The following METAP2 variants were observed in gnomAD, a reference collection of about 807,000 sequenced individuals.
The protein encoded by METAP2 is methionyl aminopeptidase 2, also known as methionine aminopeptidase 2.
Under a neutral mutation model 59.4 loss-of-function variants are expected in METAP2, and 25 were observed. The observed-to-expected ratio is 0.42, with a 90% CI of 0.31 to 0.59. The LOEUF (loss-of-function observed/expected upper bound fraction) is 0.59. Ranked by LOEUF, METAP2 falls within the 20% of genes least tolerant of loss-of-function variation. The probability of loss-of-function intolerance (pLI) is 0.16; values close to 1 mark genes in which losing one functional copy is unlikely to be tolerated. For missense variants in METAP2, 366 were observed against 581.2 expected, an observed-to-expected ratio of 0.63 and a Z score of 3.81; for synonymous variants, 214 against 194.1, an observed-to-expected ratio of 1.10 and a Z score of -0.85.
chr12:95,512,420 T>C (rs569047234), intron 9 of METAP2, among the ~76,000 whole-genome samples: 1 of 152,002 alleles, frequency 6.6e-6, no homozygotes, highest in African/African-American at 2.4e-5. Context: ...GAGATGGTAA[T>C]TGTAGGCCAG....
intron 8 of METAP2, among the ~76,000 whole-genome samples, chr12:95,508,686 C>T (rs1188983961): frequency 6.6e-6 from 1 of 151,986 alleles, no homozygotes; most frequent in African/African-American, 2.4e-5. Flanking sequence ...AATTCTACAA[C>T]TTGTTTGGTA....
At chr12:95,513,090 TACAC>T (rs60788079) in intron 10 of METAP2, among the ~76,000 whole-genome samples, 174 bp downstream of exon 10, 12,526 of 136,026 alleles carry the variant, frequency 0.092, 645 homozygotes, top group African/African-American at 0.15. Context: ...AGATAAAAAT[TACAC>T]ACACACACAC....
intron 3 of METAP2, among the ~76,000 whole-genome samples, chr12:95,485,596 A>G (rs2140143198): frequency 6.6e-6 from 1 of 152,252 alleles, no homozygotes; most frequent in East Asian, 1.9e-4. Context: ...TCTCTAGTAT[A>G]GTGAGTGAAG....
chr12:95,483,185 T>A (rs755149238), intron 2 of METAP2, 30 bp from the exon 3 acceptor site: 2 of 1,570,008 alleles, frequency 1.3e-6, no homozygotes, highest in Admixed American at 3.3e-5. Context: ...GAGGTTTAAA[T>A]GAACATGTAC....
chr12:95,488,257 T>C (rs1278473349), intron 4 of METAP2, among the ~76,000 whole-genome samples: 2 of 151,966 alleles, frequency 1.3e-5, no homozygotes, highest in Non-Finnish European at 2.9e-5. Flanking sequence ...CCTAGCACTT[T>C]GGGAGGCTGA....
chr12:95,495,224 C>G, intron 6 of METAP2, 86 bp downstream of exon 6: 1 of 1,180,586 alleles, frequency 8.5e-7, no homozygotes, highest in Non-Finnish European at 1.2e-6. Context: ...AAATACTGAA[C>G]TCCCAAATTT....
chr12:95,500,558 G>T (rs769456405), intron 7 of METAP2, among the ~76,000 whole-genome samples: 4 of 152,114 alleles, frequency 2.6e-5, no homozygotes, highest in Non-Finnish European at 5.9e-5. Flanking sequence ...TGAGGTGGTT[G>T]ACTTCTGTTC....
intron 5 of METAP2, among the ~76,000 whole-genome samples, 193 bp from the exon 6 acceptor site, chr12:95,494,764 T>C (rs974581797): frequency 6.6e-6 from 1 of 151,698 alleles, no homozygotes; most frequent in Non-Finnish European, 1.5e-5. Context: ...TCAAATTCCT[T>C]GTCTTCTAAA....
intron 5 of METAP2, 99 bp from the exon 6 acceptor site, chr12:95,494,858 G>T: frequency 2.2e-6 from 2 of 925,110 alleles, no homozygotes; most frequent in Non-Finnish European, 3.1e-6. Context: ...GGTATTTAAG[G>T]TTTTTAGTAA....
chr12:95,513,019 A>C, intron 10 of METAP2, 103 bp downstream of exon 10: 1 of 638,602 alleles, frequency 1.6e-6, no homozygotes, highest in South Asian at 2.0e-5. Context: ...TATATTCATG[A>C]ATGTAGAGTT....
chr12:95,505,511 A>G (rs1401767692), intron 8 of METAP2, among the ~76,000 whole-genome samples: 2 of 149,510 alleles, frequency 1.3e-5, no homozygotes, highest in Non-Finnish European at 3.0e-5. Context: ...TTTGAGATGG[A>G]GTCTTGCTCT....
At chr12:95,502,437 T>C (rs1565783416) in intron 7 of METAP2, among the ~76,000 whole-genome samples, 1 of 152,252 alleles carries the variant, frequency 6.6e-6, no homozygotes, top group Admixed American at 6.5e-5. Context: ...TAGTTTGAAA[T>C]GTGCTTGAAG....
At chr12:95,486,463 G>A (rs888456704) in intron 4 of METAP2, among the ~76,000 whole-genome samples, 6 of 151,130 alleles carry the variant, frequency 4.0e-5, no homozygotes, top group African/African-American at 1.2e-4. Flanking sequence ...GATTTATCAG[G>A]GTAGTTAGTT....
chr12:95,475,290 G>C (rs1025432346), intron 1 of METAP2, among the ~76,000 whole-genome samples: 12 of 152,216 alleles, frequency 7.9e-5, no homozygotes, highest in Non-Finnish European at 1.8e-4. Flanking sequence ...CTGAAATTTT[G>C]ATTAGATAGG....
intron 8 of METAP2, among the ~76,000 whole-genome samples, chr12:95,509,010 C>T (rs989224437): frequency 6.6e-6 from 1 of 152,114 alleles, no homozygotes; most frequent in Non-Finnish European, 1.5e-5. Context: ...AATCAAAACA[C>T]ATAGCACAAA....
At chr12:95,481,983 G>C in intron 2 of METAP2, 1 of 284,452 alleles carries the variant, frequency 3.5e-6, no homozygotes, top group Non-Finnish European at 7.1e-6. Context: ...ATTTAATGGG[G>C]TGAAGAAGGT....
intron 4 of METAP2, among the ~76,000 whole-genome samples, chr12:95,487,225 G>C (rs997643907): frequency 6.6e-6 from 1 of 152,106 alleles, no homozygotes; most frequent in Non-Finnish European, 1.5e-5. Flanking sequence ...TTTACAAAGG[G>C]ACTTAAGAGT....
rs201323246 is a variant in METAP2 at position 95,494,058 on chromosome 12, G to C, written c.431G>C (p.Arg144Pro). Reference protein sequence around the residue: ...ECEYPPTQDGRTAAWRTTSEE... With the variant: ...ECEYPPTQDGPTAAWRTTSEE... ...AGTATTCTATGCCCACTCTAAAGGC[G>C]AACAGCTGCTTGGAGAACTACAAGT... Residue 144 changes from arginine (R) to proline (P), a missense_variant and splice_region_variant, in exon 5 of 11, where the codon CGA becomes CCA. Physicochemically the swap from Arg to Pro is moderately radical, Grantham distance 103. Around this residue, in one of 4 missense-constraint regions of METAP2, gnomAD observed 177 missense variants for 180.3 expected, o/e 0.98. Transcript: ENST00000323666. The C allele has an allele frequency of 1.2e-6, 2 of 1,613,476 alleles. No individual in the cohort carries two copies. Among genetic ancestry groups the C allele is most frequent in the Non-Finnish European group, 1.7e-6 (2 of 1,179,704 alleles).
intron 6 of METAP2, 151 bp downstream of exon 6, chr12:95,495,289 A>C: frequency 1.7e-6 from 1 of 593,728 alleles, no homozygotes; most frequent in Non-Finnish European, 2.9e-6. Flanking sequence ...ATTTTTAAAA[A>C]AATTTTAGTG....
Sources: gnomAD v4.1 joint callset for allele counts (sites outside exome capture counted in the v4.1 genomes callset) on GRCh38, gnomAD v4.1.1 for gene constraint, gnomAD v4.1.1 regional missense constraint, MANE v1.5 for transcripts, NCBI Gene and HGNC (gene_info 2026-07-23, HGNC 2026-07-21) for gene names.